BLACAT1: variants seen among roughly 807,000 people sequenced by gnomAD.
The protein encoded by BLACAT1 is BLACAT1 overlapping LEMD1 locus.
intron 1 of BLACAT1, among the ~76,000 whole-genome samples, chr1:205,455,328 T>C (rs994635751): frequency 1.3e-5 from 2 of 152,118 alleles, no homozygotes; most frequent in Admixed American, 6.5e-5. Context: ...TGGTGTCTCC[T>C]CTAAGCCTGG....
intron 1 of BLACAT1, among the ~76,000 whole-genome samples, chr1:205,445,699 C>T (rs1439898309): frequency 6.6e-6 from 1 of 152,182 alleles, no homozygotes; most frequent in African/African-American, 2.4e-5. Flanking sequence ...TTGTGGCCTG[C>T]ACTCAGTGTT....
chr1:205,446,965 C>T (rs1375331640), intron 1 of BLACAT1, among the ~76,000 whole-genome samples: 1 of 152,194 alleles, frequency 6.6e-6, no homozygotes, highest in East Asian at 1.9e-4. Flanking sequence ...AAAAGGAAAA[C>T]CAGTGATGGA....
chr1:205,435,481 T>C (rs1558741739), downstream of BLACAT1: 1 of 152,258 alleles, frequency 6.6e-6, no homozygotes, highest in Non-Finnish European at 1.5e-5. Flanking sequence ...TATTTTGCTT[T>C]AGGCAGAAAG....
At chr1:205,452,193 G>C (rs1666506778) in intron 1 of BLACAT1, among the ~76,000 whole-genome samples, 1 of 152,170 alleles carries the variant, frequency 6.6e-6, no homozygotes, top group East Asian at 1.9e-4. Context: ...ACTAAAGCCT[G>C]TTTCACTGGG....
intron 1 of BLACAT1, among the ~76,000 whole-genome samples, chr1:205,452,814 A>G (rs1179863918): frequency 2.0e-5 from 3 of 152,046 alleles, no homozygotes; most frequent in Non-Finnish European, 4.4e-5. Flanking sequence ...CCCCACATAT[A>G]CTCCAATCCA....
chr1:205,447,817 G>A (rs1666429465), intron 1 of BLACAT1, among the ~76,000 whole-genome samples: 2 of 152,150 alleles, frequency 1.3e-5, no homozygotes, highest in Admixed American at 1.3e-4. Context: ...GGCCGGCATG[G>A]AGTGTTCCCA....
intron 1 of BLACAT1, among the ~76,000 whole-genome samples, chr1:205,447,458 C>T (rs1666411969): frequency 6.6e-6 from 1 of 152,116 alleles, no homozygotes; most frequent in South Asian, 2.1e-4. Context: ...CTGTCTTAGA[C>T]AGACTGGGGA....
chr1:205,442,512 A>G (rs1666311952), intron 1 of BLACAT1, among the ~76,000 whole-genome samples: 1 of 152,192 alleles, frequency 6.6e-6, no homozygotes, highest in South Asian at 2.1e-4. Flanking sequence ...CACACCAAGC[A>G]CAGTGCCCGG....
chr1:205,446,935 T>TC (rs1205844379), intron 1 of BLACAT1, among the ~76,000 whole-genome samples: 5 of 151,618 alleles, frequency 3.3e-5, no homozygotes, highest in Admixed American at 6.6e-5. Context: ...ATCCCCCCGC[T>TC]CCCCCCGACC....
chr1:205,442,072 C>T (rs1666304568), intron 1 of BLACAT1, among the ~76,000 whole-genome samples: 1 of 152,166 alleles, frequency 6.6e-6, no homozygotes, highest in African/African-American at 2.4e-5. Flanking sequence ...TGCCCCTGGG[C>T]CTATGGAAAG....
At chr1:205,442,764 T>G (rs1051088637) in intron 1 of BLACAT1, among the ~76,000 whole-genome samples, 1 of 152,142 alleles carries the variant, frequency 6.6e-6, no homozygotes, top group Non-Finnish European at 1.5e-5. Flanking sequence ...CCAGGATATA[T>G]ATAGAGCCAA....
chr1:205,440,709 G>A lies in BLACAT1; in HGVS notation c.*216C>T, dbSNP rs193158116. On this transcript the variant is annotated 3_prime_UTR_variant, in exon 2 of 2. Coordinates refer to ENST00000629624, the Ensembl canonical transcript of BLACAT1. ...TGTGTGGCTGGGGCCTCTCTCCAAG[G>A]AGGTCTGAGAATTGGAAGCTAATGG... The A allele has an allele frequency of 6.7e-3, 1,025 of 152,648 alleles. 11 individuals carry two copies. Among genetic ancestry groups the A allele is most frequent in the Admixed American group, 0.015 (229 of 15,316 alleles). The allele number at this position is 152,648 out of a possible 1,614,324, so 9.5% of individuals were successfully genotyped here. A position where few individuals can be genotyped will look rare whatever the true frequency, so the allele number is the denominator to read the frequency against.
downstream of BLACAT1, chr1:205,435,511 C>T (rs984519939): frequency 6.6e-6 from 1 of 152,142 alleles, no homozygotes; most frequent in Non-Finnish European, 1.5e-5. Context: ...AGACATGAAG[C>T]CATTTGTTCC....
chr1:205,443,885 G>C (rs1480926982), intron 1 of BLACAT1, among the ~76,000 whole-genome samples: 1 of 152,184 alleles, frequency 6.6e-6, no homozygotes, highest in African/African-American at 2.4e-5. Context: ...CCCAGCAGCA[G>C]GTACCTGGGG....
intron 1 of BLACAT1, among the ~76,000 whole-genome samples, chr1:205,445,097 T>G (rs990797939): frequency 2.6e-5 from 4 of 152,142 alleles, no homozygotes; most frequent in Non-Finnish European, 4.4e-5. Flanking sequence ...GAGACCGGAT[T>G]TGGGGGATTA....
At chr1:205,435,168 T>C (rs1202271650), downstream of BLACAT1, 2 of 152,246 alleles carry the variant, frequency 1.3e-5, no homozygotes, top group Non-Finnish European at 2.9e-5. Context: ...GCCAGGGTTG[T>C]GGTCTTGAGG....
At chr1:205,437,952 T>C (rs1205399806), downstream of BLACAT1, 6 of 152,186 alleles carry the variant, frequency 3.9e-5, no homozygotes, top group African/African-American at 1.4e-4. Flanking sequence ...ACAATCTCCC[T>C]ATATATTTCT....
In BLACAT1 at chr1:205,448,767, T is replaced by C. The variant is rs895990400; in HGVS notation, c.-37+7150A>G. Among the ~76,000 whole-genome samples, 3 of 152,192 alleles carry C rather than the reference T, an allele frequency of 2.0e-5. No individual in the cohort carries two copies. The highest frequency in any genetic ancestry group is 6.5e-5 in the Admixed American group (1 of 15,276). ...GGCCGGATCTTTTCAAGGCTGCTGC[T>C]GCCAGTACCCAGGATGGGGGGCCCC... is the stretch of plus-strand genomic sequence containing the variant. On this transcript the variant is annotated intron_variant, in intron 1 of 1. Transcript: ENST00000629624. The surrounding 1 kb of genome is among the most constrained non-coding windows in gnomAD (Gnocchi z 4.7).
intron 1 of BLACAT1, among the ~76,000 whole-genome samples, chr1:205,454,209 A>C (rs1191523175): frequency 6.6e-6 from 1 of 152,248 alleles, no homozygotes; most frequent in East Asian, 1.9e-4. Flanking sequence ...CAGGCAGTCC[A>C]GTGGGAAGAC....
Sources: allele counts gnomAD v4.1 joint callset (sites outside exome capture counted in the v4.1 genomes callset), GRCh38; gene constraint gnomAD v4.1.1; non-coding constraint Gnocchi (gnomAD v3.1); transcripts MANE v1.5; gene names NCBI Gene and HGNC (gene_info 2026-07-23, HGNC 2026-07-21).